Variants in SVIL observed in about 807,000 individuals in gnomAD.
SVIL encodes the protein supervillin, also known as archvillin.
In SVIL, 101 loss-of-function variants were observed where a neutral mutation model predicts 240.4. The ratio of observed to expected loss-of-function variants is 0.42; its 90% CI spans 0.36 to 0.50. The LOEUF (loss-of-function observed/expected upper bound fraction) is 0.50. Among genes scored for constraint, SVIL ranks in the 20% least tolerant of loss-of-function variants. The probability of loss-of-function intolerance (pLI) is 0.01; values close to 1 mark genes in which losing one functional copy is unlikely to be tolerated. For missense variants in SVIL, 2,512 were observed against 2,818.7 expected, an observed-to-expected ratio of 0.89 and a Z score of 2.46; for synonymous variants, 999 against 1,100.0, an observed-to-expected ratio of 0.91 and a Z score of 1.82.
chr10:29,516,838 A>G (rs144039946), intron 16 of SVIL, among the ~76,000 whole-genome samples: 169 of 152,290 alleles, frequency 1.1e-3, no homozygotes, highest in Middle Eastern at 3.4e-3. Flanking sequence ...TGGCCTGAGA[A>G]CCCTGCTTGT....
At chr10:29,558,028 T>C (rs962027924) in intron 3 of SVIL, among the ~76,000 whole-genome samples, 2 of 152,220 alleles carry the variant, frequency 1.3e-5, no homozygotes, top group East Asian at 1.9e-4. Flanking sequence ...TCCTCATATA[T>C]TTCTAAAGCC....
At chr10:29,511,967 T>G (rs2132487510) in intron 17 of SVIL, among the ~76,000 whole-genome samples, 1 of 152,358 alleles carries the variant, frequency 6.6e-6, no homozygotes, top group Non-Finnish European at 1.5e-5. Context: ...TTTTCTTTTC[T>G]ACTTGAAGAC....
chr10:29,627,321 AG>A lies in SVIL; in HGVS notation c.-201+7098del, dbSNP rs1157214753. The stretch of plus-strand genomic sequence containing the variant: ...GGATTACAGAATCCCAATACGTAAA[AG>A]GGGTCTTAAAAATCCTCTAGTCCAA... On this transcript the variant is annotated intron_variant, in intron 1 of 37. Transcript: ENST00000355867. Among the ~76,000 whole-genome samples the A allele has an allele frequency of 9.2e-5, 14 of 152,248 alleles. No individual in the cohort carries two copies. In the East Asian group the frequency reaches 2.3e-3, roughly 25 times the overall value.
chr10:29,624,845 T>C (rs897729972), intron 1 of SVIL, among the ~76,000 whole-genome samples: 11 of 152,252 alleles, frequency 7.2e-5, no homozygotes, highest in Non-Finnish European at 1.3e-4. Flanking sequence ...TATTTTCATG[T>C]GGAGAGCTAC....
intron 6 of SVIL, among the ~76,000 whole-genome samples, chr10:29,542,141 C>A (rs564786383): frequency 6.6e-6 from 1 of 152,164 alleles, no homozygotes; most frequent in African/African-American, 2.4e-5. Flanking sequence ...CATTTGGGTG[C>A]GAGTGTCTCA....
intron 1 of SVIL, among the ~76,000 whole-genome samples, chr10:29,693,752 C>A (rs1336511379): frequency 1.3e-5 from 2 of 152,130 alleles, no homozygotes; most frequent in Non-Finnish European, 2.9e-5. Context: ...GTGAGAAAAG[C>A]CAGGATACTA....
intron 36 of SVIL, among the ~76,000 whole-genome samples, chr10:29,459,381 C>T (rs1943959926): frequency 1.3e-5 from 2 of 152,300 alleles, no homozygotes; most frequent in South Asian, 4.1e-4. Context: ...TGTCTCAGAA[C>T]TGTCTCTGGA....
rs71020791 is a variant in SVIL, at chr10:29,478,924, CAAAAAAAAA to C, written c.5377+1604_5377+1612del. Among the ~76,000 whole-genome samples the C allele has an allele frequency of 1.9e-3, 117 of 63,040 alleles. 2 individuals are homozygous for C. The highest frequency in any genetic ancestry group is 5.9e-3 in the African/African-American group (105 of 17,842). The allele number at this position is 63,040 out of a possible 152,430, so 41.4% of individuals were successfully genotyped here. A position where few individuals can be genotyped will look rare whatever the true frequency, so the allele number is the denominator to read the frequency against. ...TGGAAGACAGAGTGAAACCCTGTCT[CAAAAAAAAA>C]AAAAAAAAAAAAAAAAAGAACAAAA... On this transcript the variant is annotated intron_variant, in intron 29 of 37. Transcript: ENST00000355867.
intron 32 of SVIL, among the ~76,000 whole-genome samples, chr10:29,469,428 G>A (rs1945302140): frequency 6.6e-6 from 1 of 152,210 alleles, no homozygotes; most frequent in Non-Finnish European, 1.5e-5. Flanking sequence ...AAACTCTGGG[G>A]ACATGTGACC....
chr10:29,467,456 T>A lies in SVIL; in HGVS notation c.5977+286A>T, dbSNP rs540676887. On this transcript the variant is annotated intron_variant, in intron 33 of 37. Coordinates refer to ENST00000355867, the MANE Select transcript of SVIL (RefSeq NM_021738.3). ...AGAATTTGAAGTCCTGGTGTCCAAG[T>A]TAAACTCACCCCTGGGAAGAAAAAA... 3.3e-5 allele frequency among the ~76,000 whole-genome samples: 5 copies of A among 152,146 alleles called. No individual in the cohort carries two copies. The South Asian group carries it at 1.0e-3, about 32-fold the overall frequency.
intron 36 of SVIL, among the ~76,000 whole-genome samples, chr10:29,459,787 G>C (rs552214829): frequency 6.6e-6 from 1 of 152,302 alleles, no homozygotes; most frequent in African/African-American, 2.4e-5. Flanking sequence ...GGAACAGACT[G>C]GTGGTCAAGA....
chr10:29,550,580 G>A lies in SVIL; in HGVS notation c.827+17C>T, dbSNP rs746109713. 3.1e-6 allele frequency: 5 copies of A among 1,587,472 alleles called. No homozygotes were observed. The highest frequency in any genetic ancestry group is 1.3e-5 in the African/African-American group (1 of 74,464). On this transcript the variant is annotated intron_variant, in intron 6 of 37. Transcript: ENST00000355867. ...TTGTCCTGCGTTCAGGGTGCTTAGC[G>A]TGGACTGGATGCTTACCTGGGTCGG...
chr10:29,542,586 T>C (rs1337344135), intron 6 of SVIL, among the ~76,000 whole-genome samples: 1 of 152,172 alleles, frequency 6.6e-6, no homozygotes, highest in Non-Finnish European at 1.5e-5. Flanking sequence ...GTATCTGAGA[T>C]GTTTTGATAC....
At chr10:29,640,024 G>T (rs1024764371) in intron 3 of SVIL, among the ~76,000 whole-genome samples, 1 of 152,214 alleles carries the variant, frequency 6.6e-6, no homozygotes, top group Non-Finnish European at 1.5e-5. Context: ...CACAAGCCCA[G>T]AATATGCTCC....
At position 29,609,907 on chromosome 10, in the gene SVIL, C is replaced by T. The variant is rs117195685; in HGVS notation, c.-201+24513G>A. Among the ~76,000 whole-genome samples the T allele has an allele frequency of 1.2e-3, 179 of 152,318 alleles. 7 individuals carry two copies. The East Asian group carries it at 0.031, about 26-fold the overall frequency. On this transcript the variant is annotated intron_variant, in intron 1 of 37. Transcript: ENST00000355867. Reference sequence around the variant, plus strand: ...AGCACATCTTACTGGGCTGAGTGGACAGAACAAGTCCAGCAGGCATGAGCA... The same window carrying T: ...AGCACATCTTACTGGGCTGAGTGGATAGAACAAGTCCAGCAGGCATGAGCA...
intron 6 of SVIL, among the ~76,000 whole-genome samples, chr10:29,537,342 G>T (rs1040070241): frequency 6.6e-6 from 1 of 152,136 alleles, no homozygotes. Context: ...ACCTTAAACC[G>T]CAGGTAGGCT....
chr10:29,723,878 C>G (rs976471654), intron 1 of SVIL, among the ~76,000 whole-genome samples: 3 of 152,022 alleles, frequency 2.0e-5, no homozygotes, highest in Non-Finnish European at 1.5e-5. Flanking sequence ...AATTTGGCAA[C>G]CAAACAAGAT....
intron 17 of SVIL, among the ~76,000 whole-genome samples, chr10:29,500,600 C>T (rs909883589): frequency 1.3e-5 from 2 of 152,156 alleles, no homozygotes; most frequent in Non-Finnish European, 2.9e-5. Context: ...TAGGAGGTTC[C>T]CCAGATTGCT....
chr10:29,666,321 G>T (rs1176178184), intron 2 of SVIL, among the ~76,000 whole-genome samples: 1 of 152,210 alleles, frequency 6.6e-6, no homozygotes, highest in African/African-American at 2.4e-5. Context: ...GACATCCTAA[G>T]TAGTATCTCC....
Sources: allele counts gnomAD v4.1 joint callset (sites outside exome capture counted in the v4.1 genomes callset), GRCh38; gene constraint gnomAD v4.1.1; transcripts MANE v1.5; gene names NCBI Gene and HGNC (gene_info 2026-07-23, HGNC 2026-07-21).